Variants in TNFRSF17 observed in about 807,000 individuals in gnomAD.
The protein encoded by TNFRSF17 is tumor necrosis factor receptor superfamily member 17.
A neutral mutation model predicts 9.9 loss-of-function variants in TNFRSF17; 13 were observed. The observed-to-expected ratio is 1.31, with a 90% CI of 0.85 to 2.08. TNFRSF17 has a LOEUF of 2.08. TNFRSF17 is among the 30% of genes most tolerant of loss of function. TNFRSF17 has a pLI of 0.00. For synonymous variants in TNFRSF17, 99 were observed against 83.7 expected (o/e 1.18, Z -1.00); for missense variants, 305 against 225.8 (o/e 1.35, Z -2.25).
In TNFRSF17 at chr16:11,967,600, A is replaced by C; in HGVS notation, c.308A>C (p.Asp103Ala). Residue 103 changes from aspartate to alanine, a missense_variant, in exon 3 of 3, where the codon GAC (aspartate) becomes GCC (alanine). By Grantham distance (126) the Asp-to-Ala change is moderately radical. Transcript: ENST00000053243. The stretch of plus-strand genomic sequence containing the variant: ...GGTCTCCTGGGCATGGCTAACATTG[A>C]CCTGGAAAAGAGCAGGACTGGTGAT... ...GSGLLGMANI[D>A]LEKSRTGDEI... 1.2e-6 allele frequency: 2 copies of C among 1,613,934 alleles called. No individual in the cohort carries two copies. The highest frequency in any genetic ancestry group is 2.2e-5 in the East Asian group (1 of 44,864).
At position 11,965,371 on chromosome 16, in the gene TNFRSF17, G is replaced by T. The variant is rs1163765246; in HGVS notation, c.47G>T (p.Ser16Ile). 1.2e-6 allele frequency: 2 copies of T among 1,614,182 alleles called. No homozygotes were observed. Among genetic ancestry groups the T allele is most frequent in the Non-Finnish European group, 1.7e-6 (2 of 1,180,020 alleles). The change falls in exon 1 of 3, where the codon AGT (serine) becomes ATT (isoleucine). Residue 16 changes from serine to isoleucine, a missense_variant. Transcript: ENST00000053243. The part of the protein sequence containing the change: ...GQCSQNEYFD[S>I]LLHACIPCQL... The stretch of plus-strand genomic sequence containing the variant: ...TGCTCCCAAAATGAATATTTTGACA[G>T]TTTGTTGCATGCTTGCATACCTTGT...
intron 1 of TNFRSF17, 85 bp from the exon 2 acceptor site, chr16:11,966,110 C>CAAAA: frequency 7.2e-7 from 1 of 1,391,648 alleles, no homozygotes; most frequent in South Asian, 1.5e-5. Flanking sequence ...GACTTTGTCT[C>CAAAA]AAAATAAATA....
chr16:11,967,855 T>G lies in TNFRSF17; in HGVS notation c.*8T>G, dbSNP rs547583575. On this transcript the variant is annotated 3_prime_UTR_variant, in exon 3 of 3. Coordinates refer to ENST00000053243, the MANE Select transcript of TNFRSF17 (RefSeq NM_001192.3). ...TCAATTTCTGCTAGGTAATTAACCA[T>G]TTCGACTCGAGCAGTGCCACTTTAA... The G allele has an allele frequency of 6.2e-7, 1 of 1,611,508 alleles. No homozygotes were observed. The highest frequency in any genetic ancestry group is 1.3e-5 in the African/African-American group (1 of 74,982).
chr16:11,967,921 G>A lies in TNFRSF17; in HGVS notation c.*74G>A. ...ATAGATGATGTGTCAGATCTCTTTA[G>A]GATGACTGTATTTTTCAGTTGCCGA... On this transcript the variant is annotated 3_prime_UTR_variant, in exon 3 of 3. Coordinates refer to ENST00000053243, the MANE Select transcript of TNFRSF17 (RefSeq NM_001192.3). The A allele has an allele frequency of 1.3e-6, 2 of 1,515,534 alleles. No homozygotes were observed. The highest frequency in any genetic ancestry group is 1.8e-6 in the Non-Finnish European group (2 of 1,125,046). The allele number at this position is 1,515,534 out of a possible 1,614,324, so 93.9% of individuals were successfully genotyped here.
intron 1 of TNFRSF17, among the ~76,000 whole-genome samples, chr16:11,965,889 C>G (rs1191358433): frequency 6.6e-6 from 1 of 152,134 alleles, no homozygotes; most frequent in Non-Finnish European, 1.5e-5. Context: ...GTGGGTGAAT[C>G]ACCTGAGGTC....
rs779106309 is a variant in TNFRSF17, at chr16:11,966,291, T to C, written c.227T>C (p.Leu76Ser). The stretch of plus-strand genomic sequence containing the variant: ...TTGGCAGTTTTCGTGCTAATGTTTT[T>C]GCTAAGGAAGATAAACTCTGAACCA... ...ISLAVFVLMF[L>S]LRKINSEPLK... Residue 76 changes from leucine to serine, a missense_variant, in exon 2 of 3, where the codon TTG (leucine) becomes TCG (serine). Coordinates refer to ENST00000053243, the MANE Select transcript of TNFRSF17 (RefSeq NM_001192.3). 11 of 1,614,098 alleles carry C rather than the reference T, an allele frequency of 6.8e-6. No individual in the cohort carries two copies. In the South Asian group the frequency reaches 1.2e-4, roughly 18 times the overall value.
Position 11,967,833 on chromosome 16 carries a change from A to G in TNFRSF17, c.541A>G (p.Ile181Val), listed in dbSNP as rs2055208104. ...GAGTGCTACGGAGATAGAGAAATCA[A>G]TTTCTGCTAGGTAATTAACCATTTC... ...ALSATEIEKS[I>V]SAR Residue 181 changes from isoleucine to valine, a missense_variant, in exon 3 of 3, where the codon ATT becomes GTT. Transcript: ENST00000053243. The G allele has an allele frequency of 6.2e-7, 1 of 1,613,864 alleles. No individual in the cohort carries two copies. Among genetic ancestry groups the G allele is most frequent in the Non-Finnish European group, 8.5e-7 (1 of 1,179,856 alleles).
chr16:11,965,302 T>G lies in TNFRSF17; in HGVS notation c.-23T>G. 1 of 1,613,872 alleles carries G rather than the reference T, an allele frequency of 6.2e-7. No homozygotes were observed. Among genetic ancestry groups the G allele is most frequent in the Non-Finnish European group, 8.5e-7 (1 of 1,179,894 alleles). Reference sequence around the variant, plus strand: ...CCTTCCAGGCTGTTCTTTCTGTAGCTCCCTTGTTTTCTTTTTGTGATCATG... The same window carrying G: ...CCTTCCAGGCTGTTCTTTCTGTAGCGCCCTTGTTTTCTTTTTGTGATCATG... On this transcript the variant is annotated 5_prime_UTR_variant, in exon 1 of 3. Transcript: ENST00000053243.
In TNFRSF17 at chr16:11,966,206, T is replaced by G. The variant is rs751904124; in HGVS notation, c.142T>G (p.Ser48Ala). 8.7e-6 allele frequency: 14 copies of G among 1,613,008 alleles called. No individual in the cohort carries two copies. The Admixed American group carries it at 1.0e-4, about 12-fold the overall frequency. Residue 48 changes from serine (S) to alanine (A), a missense_variant, in exon 2 of 3, where the codon TCA becomes GCA. Coordinates refer to ENST00000053243, the MANE Select transcript of TNFRSF17 (RefSeq NM_001192.3). ...TTCTTTTCATAAAGGTGTGACCAATTCAGTGAAAGGAACGAATGCGATTCT... is the reference window on the plus strand; with the variant it reads ...TTCTTTTCATAAAGGTGTGACCAATGCAGTGAAAGGAACGAATGCGATTCT... The part of the protein sequence containing the change: ...QRYCNASVTN[S>A]VKGTNAILWT...
At chr16:11,966,530 G>T (rs2055195546) in intron 2 of TNFRSF17, among the ~76,000 whole-genome samples, 189 bp downstream of exon 2, 1 of 152,164 alleles carries the variant, frequency 6.6e-6, no homozygotes, top group Non-Finnish European at 1.5e-5. Flanking sequence ...CACCTTGGCA[G>T]ATTTTCTACA....
chr16:11,966,446 C>A, intron 2 of TNFRSF17, 105 bp downstream of exon 2: 1 of 1,180,244 alleles, frequency 8.5e-7, no homozygotes, highest in South Asian at 1.5e-5. Context: ...TCGTTACAGC[C>A]CTTTCGAATG....
Position 11,967,890 on chromosome 16 carries a change from G to T in TNFRSF17, c.*43G>T. ...AGCAGTGCCACTTTAAAAATCTTTT[G>T]TCAGAATAGATGATGTGTCAGATCT... is the stretch of plus-strand genomic sequence containing the variant. On this transcript the variant is annotated 3_prime_UTR_variant, in exon 3 of 3. Transcript: ENST00000053243. 6.3e-7 allele frequency: 1 copy of T among 1,593,094 alleles called. No homozygotes were observed.
chr16:11,965,477 T>G (rs1271915533), intron 1 of TNFRSF17, 23 bp downstream of exon 1: 6 of 1,612,728 alleles, frequency 3.7e-6, no homozygotes, highest in Non-Finnish European at 5.1e-6. Flanking sequence ...GCTTGAACGA[T>G]TATTCATTGG....
rs1237856370 is a variant in TNFRSF17, at chr16:11,967,779, G to T, written c.487G>T (p.Asp163Tyr). ...CATTCTTGTCACCACGAAAACGAAT[G>T]ACTATTGCAAGAGCCTGCCAGCTGC... ...ATILVTTKTN[D>Y]YCKSLPAALS... Residue 163 changes from aspartate to tyrosine, a missense_variant, in exon 3 of 3, where the codon GAC becomes TAC. Asp to Tyr is a radical substitution (Grantham distance 160). Coordinates refer to ENST00000053243, the MANE Select transcript of TNFRSF17 (RefSeq NM_001192.3). 2.5e-6 allele frequency: 4 copies of T among 1,614,202 alleles called. No homozygotes were observed. Among genetic ancestry groups the T allele is most frequent in the Non-Finnish European group, 3.4e-6 (4 of 1,180,030 alleles).
At chr16:11,967,369 C>T (rs551854172) in intron 2 of TNFRSF17, among the ~76,000 whole-genome samples, 1 of 152,204 alleles carries the variant, frequency 6.6e-6, no homozygotes, top group African/African-American at 2.4e-5. Flanking sequence ...GCTGTAGTCC[C>T]GACTGCTCTG....
chr16:11,965,256 T>C lies in TNFRSF17; in HGVS notation c.-69T>C. 1 of 1,585,244 alleles carries C rather than the reference T, an allele frequency of 6.3e-7. No homozygotes were observed. On this transcript the variant is annotated 5_prime_UTR_variant, in exon 1 of 3. Coordinates refer to ENST00000053243, the MANE Select transcript of TNFRSF17 (RefSeq NM_001192.3). ...GCTCTTGCTGCATTTGCTCTGGAAT[T>C]CTTGTAGAGATATTACTTGTCCTTC... is the stretch of plus-strand genomic sequence containing the variant.
chr16:11,965,974 G>A (rs928517365), intron 1 of TNFRSF17, among the ~76,000 whole-genome samples: 1 of 152,124 alleles, frequency 6.6e-6, no homozygotes, highest in African/African-American at 2.4e-5. Context: ...AGCTGGGCAT[G>A]GTGGCACAGG....
chr16:11,966,233 T>C lies in TNFRSF17; in HGVS notation c.169T>C (p.Trp57Arg). The C allele has an allele frequency of 1.2e-6, 2 of 1,614,036 alleles. No homozygotes were observed. Among genetic ancestry groups the C allele is most frequent in the Non-Finnish European group, 1.7e-6 (2 of 1,179,924 alleles). Residue 57 changes from tryptophan (W) to arginine (R), a missense_variant, in exon 2 of 3, where the codon TGG becomes CGG. Trp to Arg is a moderately radical substitution (Grantham distance 101). Coordinates refer to ENST00000053243, the MANE Select transcript of TNFRSF17 (RefSeq NM_001192.3). ...AGTGAAAGGAACGAATGCGATTCTC[T>C]GGACCTGTTTGGGACTGAGCTTAAT... The part of the protein sequence containing the change: ...NSVKGTNAIL[W>R]TCLGLSLIIS...
Position 11,966,004 on chromosome 16 carries a change from G to A in TNFRSF17, c.131-191G>A, listed in dbSNP as rs571754032. ...CACAGGTCTGTAATCCCAGCTACTC[G>A]GGAGGCTGAGGCAGGAGAATTGTTT... On this transcript the variant is annotated intron_variant, in intron 1 of 2. Coordinates refer to ENST00000053243, the MANE Select transcript of TNFRSF17 (RefSeq NM_001192.3). 5.3e-5 allele frequency among the ~76,000 whole-genome samples: 8 copies of A among 152,224 alleles called. No homozygotes were observed. The South Asian group carries it at 8.3e-4, about 16-fold the overall frequency.
Sources: allele counts gnomAD v4.1 joint callset (sites outside exome capture counted in the v4.1 genomes callset), GRCh38; gene constraint gnomAD v4.1.1; transcripts MANE v1.5; gene names NCBI Gene and HGNC (gene_info 2026-07-23, HGNC 2026-07-21).